The following C17orf67 variants were observed in gnomAD, a reference collection of about 807,000 sequenced individuals.
C17orf67 encodes uncharacterized protein C17orf67.
C17orf67 carries 12 observed loss-of-function variants against 11.2 expected under a neutral mutation model. The observed-to-expected ratio is 1.07, with a 90% CI of 0.68 to 1.73. The LOEUF is 1.73. Ranked by LOEUF, C17orf67 falls within the 40% of genes most tolerant of loss-of-function variation. The pLI is 0.00. For missense variants in C17orf67, 115 were observed against 113.5 expected (o/e 1.01, Z -0.06); for synonymous variants, 59 against 46.9 (o/e 1.26, Z -1.05).
At chr17:56,811,533 C>T (rs1905625583) in intron 6 of C17orf67, among the ~76,000 whole-genome samples, 1 of 150,940 alleles carries the variant, frequency 6.6e-6, no homozygotes, top group Admixed American at 6.6e-5. Flanking sequence ...TTAGTGAGCC[C>T]AAATCAGGCT....
intron 6 of C17orf67, among the ~76,000 whole-genome samples, chr17:56,813,509 C>A (rs1905680863): frequency 6.6e-6 from 1 of 151,916 alleles, no homozygotes; most frequent in Non-Finnish European, 1.5e-5. Context: ...CTTGAAAAAT[C>A]CTTCAGTTGT....
intron 7 of C17orf67, among the ~76,000 whole-genome samples, chr17:56,793,332 C>T (rs1905152956): frequency 6.6e-6 from 1 of 152,122 alleles, no homozygotes; most frequent in Non-Finnish European, 1.5e-5. Context: ...TAACACATTT[C>T]TCCAGCCACC....
chr17:56,798,219 G>C (rs923459837), intron 6 of C17orf67, among the ~76,000 whole-genome samples: 47 of 152,256 alleles, frequency 3.1e-4, no homozygotes, highest in Admixed American at 8.5e-4. Context: ...CCCCAGCCCT[G>C]GGGCTAGACC....
rs567788261 is a variant in C17orf67, at chr17:56,794,414, G to A, written c.*20+630C>T. 2.0e-5 allele frequency among the ~76,000 whole-genome samples: 3 copies of A among 152,186 alleles called. No homozygotes were observed. The East Asian group carries it at 5.8e-4, about 29-fold the overall frequency. ...TATCTAACAGGATTTGGAAAGGGGGGAAGATGATGAGGACAGACAGGGAGA... is the reference window on the plus strand; with the variant it reads ...TATCTAACAGGATTTGGAAAGGGGGAAAGATGATGAGGACAGACAGGGAGA... On this transcript the variant is annotated intron_variant, in intron 7 of 7. Transcript: ENST00000397861.
intron 4 of C17orf67, among the ~76,000 whole-genome samples, chr17:56,821,475 C>T (rs1312044834): frequency 6.6e-6 from 1 of 152,076 alleles, no homozygotes; most frequent in Non-Finnish European, 1.5e-5. Context: ...GTGTGTGGTG[C>T]TTATGGGTCT....
At chr17:56,795,253 C>T (rs72837333) in intron 6 of C17orf67, 73 bp from the exon 7 acceptor site, 190,167 of 1,349,076 alleles carry the variant, frequency 0.14, 13,824 homozygotes, top group South Asian at 0.17. Context: ...CGTGGTGTGG[C>T]TCTGGCTCCC....
intron 4 of C17orf67, among the ~76,000 whole-genome samples, chr17:56,817,580 A>C (rs1905790612): frequency 6.6e-6 from 1 of 152,014 alleles, no homozygotes; most frequent in Non-Finnish European, 1.5e-5. Context: ...CAGCCTCCTG[A>C]GTATCTGGGA....
intron 6 of C17orf67, among the ~76,000 whole-genome samples, chr17:56,795,847 T>C (rs562549333): frequency 1.3e-5 from 2 of 152,316 alleles, no homozygotes; most frequent in South Asian, 4.1e-4. Context: ...TGTAGCTATA[T>C]ACAACAACAT....
chr17:56,825,962 C>T (rs201208695), intron 2 of C17orf67, among the ~76,000 whole-genome samples: 2 of 49,600 alleles, frequency 4.0e-5, no homozygotes, highest in East Asian at 7.8e-4. Context: ...TGTGTGTGTG[C>T]ACGCGTGTGT....
At chr17:56,804,302 G>A (rs1477522528) in intron 6 of C17orf67, 1 of 152,160 alleles carries the variant, frequency 6.6e-6, no homozygotes, top group African/African-American at 2.4e-5. Flanking sequence ...TTCTATCAAG[G>A]CAGGACCTTT....
intron 6 of C17orf67, among the ~76,000 whole-genome samples, chr17:56,814,130 G>C (rs143876148): frequency 5.9e-5 from 9 of 152,196 alleles, no homozygotes; most frequent in Non-Finnish European, 1.0e-4. Flanking sequence ...GATAAGCATC[G>C]TGCCCAGATG....
intron 2 of C17orf67, among the ~76,000 whole-genome samples, chr17:56,828,178 G>A (rs1255482658): frequency 2.0e-5 from 3 of 151,932 alleles, no homozygotes; most frequent in East Asian, 3.9e-4. Flanking sequence ...GGACAGGGTG[G>A]GTGGATCATC....
At chr17:56,800,218 A>G (rs1905288972) in intron 6 of C17orf67, among the ~76,000 whole-genome samples, 1 of 151,974 alleles carries the variant, frequency 6.6e-6, no homozygotes, top group Admixed American at 6.6e-5. Flanking sequence ...GGCACCCACC[A>G]TCACACCCGG....
intron 6 of C17orf67, among the ~76,000 whole-genome samples, chr17:56,802,341 T>A (rs1288733469): frequency 6.6e-6 from 1 of 152,104 alleles, no homozygotes; most frequent in Non-Finnish European, 1.5e-5. Flanking sequence ...ATAAATACAA[T>A]CTCAAAAGAA....
chr17:56,807,298 G>A (rs535279930), intron 6 of C17orf67, among the ~76,000 whole-genome samples: 9 of 151,868 alleles, frequency 5.9e-5, no homozygotes, highest in African/African-American at 1.4e-4. Flanking sequence ...GGAAGGAAGA[G>A]AGATCAATTG....
At chr17:56,813,318 TC>T (rs1326787765) in intron 6 of C17orf67, among the ~76,000 whole-genome samples, 3 of 141,300 alleles carry the variant, frequency 2.1e-5, no homozygotes, top group African/African-American at 8.1e-5. Flanking sequence ...CTCCTATGCC[TC>T]CCCGCCTTGC....
At chr17:56,809,165 C>T (rs1181369866) in intron 6 of C17orf67, among the ~76,000 whole-genome samples, 4 of 151,952 alleles carry the variant, frequency 2.6e-5, no homozygotes, top group East Asian at 1.9e-4. Flanking sequence ...GCATCCAAAA[C>T]GTCACTTCCT....
chr17:56,828,775 A>G (rs929490109), intron 2 of C17orf67, among the ~76,000 whole-genome samples: 2 of 151,526 alleles, frequency 1.3e-5, no homozygotes, highest in African/African-American at 4.9e-5. Flanking sequence ...TCCATGTAAC[A>G]TACGAAAAGC....
At chr17:56,825,639 C>G (rs890925837) in intron 2 of C17orf67, among the ~76,000 whole-genome samples, 12 of 151,954 alleles carry the variant, frequency 7.9e-5, no homozygotes, top group Non-Finnish European at 1.6e-4. Flanking sequence ...ATAGCTACAA[C>G]AAAAGTAAGG....
Sources: allele counts gnomAD v4.1 joint callset (sites outside exome capture counted in the v4.1 genomes callset), GRCh38; gene constraint gnomAD v4.1.1; transcripts MANE v1.5; gene names NCBI Gene and HGNC (gene_info 2026-07-23, HGNC 2026-07-21).